ITPR1: variants seen among roughly 807,000 people sequenced by gnomAD.
ITPR1 encodes inositol 1,4,5-trisphosphate-gated calcium channel ITPR1.
In ITPR1, 96 loss-of-function variants were observed where a neutral mutation model predicts 318.4. The ratio of observed to expected loss-of-function variants is 0.30; its 90% confidence interval spans 0.26 to 0.36. The LOEUF (loss-of-function observed/expected upper bound fraction) is 0.36, where lower values mean the gene tolerates loss of function less well. ITPR1 is among the 10% of genes least tolerant of loss of function. The pLI, the probability that ITPR1 is intolerant of heterozygous loss-of-function variation, is 1.00. For synonymous variants in ITPR1, 1,312 were observed against 1,289.9 expected (o/e 1.02, Z -0.37); for missense variants, 2,440 against 3,460.2 (o/e 0.71, Z 7.40).
chr3:4,533,040 GTTCT>G (rs2083548137), intron 4 of ITPR1, among the ~76,000 whole-genome samples: 1 of 152,162 alleles, frequency 6.6e-6, no homozygotes, highest in South Asian at 2.1e-4. Context: ...GGACCCAGCT[GTTCT>G]TTCTGTTTTT....
intron 46 of ITPR1, among the ~76,000 whole-genome samples, chr3:4,773,017 C>T (rs988407950): frequency 6.6e-6 from 1 of 152,228 alleles, no homozygotes; most frequent in Admixed American, 6.5e-5. Context: ...GTTTACAATG[C>T]AGCTGGTAGG....
chr3:4,669,854 ATC>A (rs1368454241), intron 19 of ITPR1, 81 bp downstream of exon 19: 1 of 1,321,972 alleles, frequency 7.6e-7, no homozygotes, highest in Non-Finnish European at 9.9e-7. Context: ...ACCTAGCCCT[ATC>A]ATTTTTTGAG....
rs2041249278 is a variant in ITPR1 at position 4,710,191 on chromosome 3, A to T, written c.4843-134A>T. ...ATTGGGCAATGTCTAATAATTTGAG[A>T]TGCCAGACGGTACTAAAGTTACTCT... is the stretch of plus-strand genomic sequence containing the variant. On this transcript the variant is annotated intron_variant, in intron 37 of 61. Coordinates refer to ENST00000649015, the MANE Select transcript of ITPR1 (RefSeq NM_001378452.1). This position sits in a 1 kb window ranked among gnomAD's most constrained non-coding sequence, Gnocchi z 4.2. The T allele has an allele frequency of 1.4e-6, 1 of 720,674 alleles. No individual in the cohort carries two copies. The highest frequency in any genetic ancestry group is 2.0e-6 in the Non-Finnish European group (1 of 496,972). The allele number at this position is 720,674 out of a possible 1,614,324, so 44.6% of individuals were successfully genotyped here.
At chr3:4,521,124 C>T (rs746657430) in intron 4 of ITPR1, 30 bp downstream of exon 4, 4 of 1,491,816 alleles carry the variant, frequency 2.7e-6, no homozygotes, top group East Asian at 4.5e-5. Context: ...GGAGTAGTCA[C>T]CTTGACTCAC....
intron 3 of ITPR1, 60 bp from the exon 4 acceptor site, chr3:4,520,964 A>T: frequency 7.9e-7 from 1 of 1,265,570 alleles, no homozygotes; most frequent in South Asian, 1.2e-5. Flanking sequence ...TGATTTTTGC[A>T]TAGTGCTAAG....
Position 4,675,229 on chromosome 3 carries a change from T to C in ITPR1, c.2760T>C (p.Asn920=). Residue 920 remains asparagine, a synonymous_variant, in exon 23 of 62, where the codon AAT becomes AAC. Coordinates refer to ENST00000649015, the MANE Select transcript of ITPR1 (RefSeq NM_001378452.1). The part of the protein sequence containing the change: ...MAKGEENKGN[N]DVEKLKSSNV... ...AAGGAGAAGAGAATAAAGGTAACAA[T>C]GATGTGGAGAAGCTGAAGAGTGAGT... The C allele has an allele frequency of 6.2e-7, 1 of 1,610,692 alleles. No homozygotes were observed. The highest frequency in any genetic ancestry group is 1.1e-5 in the South Asian group (1 of 89,982).
chr3:4,622,109 CTTTTTTTTTTTTT>C (rs894926425), intron 4 of ITPR1, among the ~76,000 whole-genome samples: 1 of 105,828 alleles, frequency 9.4e-6, no homozygotes, highest in African/African-American at 3.8e-5. Context: ...ACATAGTAGA[CTTTTTTTTTTTTT>C]TTTTTTTTTT....
chr3:4,758,655 G>T (rs2045203153), intron 44 of ITPR1, among the ~76,000 whole-genome samples: 1 of 152,174 alleles, frequency 6.6e-6, no homozygotes, highest in Non-Finnish European at 1.5e-5. Flanking sequence ...AGTTTGATTA[G>T]GACTGTGACC....
At chr3:4,498,988 G>A (rs2080817503) in intron 2 of ITPR1, among the ~76,000 whole-genome samples, 2 of 152,160 alleles carry the variant, frequency 1.3e-5, no homozygotes, top group African/African-American at 4.8e-5. Context: ...CTCAAATTTT[G>A]TTACTTATTA....
At chr3:4,639,058 A>G (rs1196154709) in intron 5 of ITPR1, among the ~76,000 whole-genome samples, 2 of 152,188 alleles carry the variant, frequency 1.3e-5, no homozygotes, top group African/African-American at 4.8e-5. Flanking sequence ...TAAAGGGGCT[A>G]TGCAAATTCC....
At chr3:4,832,747 G>T (rs895554699) in intron 60 of ITPR1, among the ~76,000 whole-genome samples, 1 of 152,232 alleles carries the variant, frequency 6.6e-6, no homozygotes. Flanking sequence ...CTAAAAAGAT[G>T]CATTATTTCT....
chr3:4,528,430 T>C (rs767873329), intron 4 of ITPR1, among the ~76,000 whole-genome samples: 22 of 152,206 alleles, frequency 1.4e-4, no homozygotes, highest in Non-Finnish European at 2.9e-4. Context: ...CTAGGGTGGC[T>C]ATAACAAACT....
At chr3:4,495,536 G>A (rs1032235707) in intron 2 of ITPR1, among the ~76,000 whole-genome samples, 1 of 152,186 alleles carries the variant, frequency 6.6e-6, no homozygotes, top group African/African-American at 2.4e-5. Flanking sequence ...GGCTGTGTGG[G>A]TGCTCATAGA....
rs568758401 is a variant in ITPR1, at chr3:4,817,746, A to G, written c.7868-336A>G. Among the ~76,000 whole-genome samples, 146 of 152,334 alleles carry G rather than the reference A, an allele frequency of 9.6e-4. 1 individual carries two copies. Among genetic ancestry groups the G allele is most frequent in the South Asian group, 2.7e-3 (13 of 4,828 alleles). On this transcript the variant is annotated intron_variant, in intron 59 of 61. Coordinates refer to ENST00000649015, the MANE Select transcript of ITPR1 (RefSeq NM_001378452.1). ...ATTCCCTGGTTGCATGCAATATGTG[A>G]GAGTGTCACACACATTCTCATTTTA...
At chr3:4,617,042 T>C (rs1056293631) in intron 4 of ITPR1, among the ~76,000 whole-genome samples, 6 of 151,962 alleles carry the variant, frequency 3.9e-5, no homozygotes, top group Admixed American at 1.3e-4. Context: ...GAGAATTTCT[T>C]TGGAATGTGT....
chr3:4,691,371 TC>T, intron 32 of ITPR1, 27 bp downstream of exon 32: 1 of 1,465,908 alleles, frequency 6.8e-7, no homozygotes, highest in South Asian at 1.2e-5. Context: ...TCTGTATACC[TC>T]CATCTGGTGT....
chr3:4,621,799 C>G (rs1162284354), intron 4 of ITPR1, among the ~76,000 whole-genome samples: 1 of 152,222 alleles, frequency 6.6e-6, no homozygotes, highest in Non-Finnish European at 1.5e-5. Context: ...ACGTGCTGTT[C>G]CCTCTGCCTG....
intron 44 of ITPR1, among the ~76,000 whole-genome samples, chr3:4,759,646 C>T (rs1169253167): frequency 6.6e-6 from 1 of 152,226 alleles, no homozygotes; most frequent in Non-Finnish European, 1.5e-5. Flanking sequence ...ACCCTCTTTG[C>T]TCTGCTTCAT....
intron 20 of ITPR1, chr3:4,671,568 G>C: frequency 6.6e-6 from 1 of 152,368 alleles, no homozygotes; most frequent in Non-Finnish European, 1.5e-5. Flanking sequence ...CCGTTTCCCT[G>C]TGTGTACCTG....
Sources: allele counts gnomAD v4.1 joint callset (sites outside exome capture counted in the v4.1 genomes callset), GRCh38; gene constraint gnomAD v4.1.1; non-coding constraint Gnocchi (gnomAD v3.1); transcripts MANE v1.5; gene names NCBI Gene and HGNC (gene_info 2026-07-23, HGNC 2026-07-21).